The following HAUS6 variants were observed in gnomAD, a reference collection of about 807,000 sequenced individuals.
HAUS6 encodes the protein HAUS augmin like complex subunit 6.
HAUS6 carries 80 observed loss-of-function variants against 106.8 expected under a neutral mutation model. That is an observed-to-expected ratio of 0.75 (90% CI 0.63 to 0.90). The LOEUF is 0.90. Ranked by LOEUF, HAUS6 falls within the 40% of genes least tolerant of loss-of-function variation. The probability of loss-of-function intolerance (pLI) is 0.00; values close to 1 mark genes in which losing one functional copy is unlikely to be tolerated. For missense variants in HAUS6, 1,155 were observed against 1,118.1 expected, an observed-to-expected ratio of 1.03 and a Z score of -0.47; for synonymous variants, 356 against 379.1, an observed-to-expected ratio of 0.94 and a Z score of 0.71.
At chr9:19,086,679 C>T in intron 7 of HAUS6, 55 bp downstream of exon 7, 1 of 762,610 alleles carries the variant, frequency 1.3e-6, no homozygotes, top group Non-Finnish European at 2.3e-6. Context: ...TAAGCAAACA[C>T]TGCGTATCAC....
chr9:19,075,497 A>G (rs1836977256), intron 11 of HAUS6, among the ~76,000 whole-genome samples: 1 of 152,250 alleles, frequency 6.6e-6, no homozygotes, highest in Non-Finnish European at 1.5e-5. Flanking sequence ...TAATCCCAGC[A>G]CTTTGGGAGG....
intron 5 of HAUS6, among the ~76,000 whole-genome samples, 185 bp downstream of exon 5, chr9:19,089,227 G>A (rs948534221): frequency 2.6e-5 from 4 of 151,858 alleles, no homozygotes; most frequent in Non-Finnish European, 5.9e-5. Flanking sequence ...TAGGAGCCTG[G>A]GTGACAGAAC....
chr9:19,068,507 T>C (rs150533724), intron 12 of HAUS6, among the ~76,000 whole-genome samples: 89 of 152,330 alleles, frequency 5.8e-4, no homozygotes, highest in African/African-American at 2.1e-3. Context: ...GCAGAACCAA[T>C]TACCAATAAC....
intron 7 of HAUS6, among the ~76,000 whole-genome samples, chr9:19,083,630 G>A (rs1468268074): frequency 1.3e-5 from 2 of 151,638 alleles, no homozygotes; most frequent in African/African-American, 4.8e-5. Context: ...GTGAAACCCC[G>A]TCTCTAATAA....
intron 11 of HAUS6, among the ~76,000 whole-genome samples, chr9:19,075,795 A>C (rs1212675491): frequency 6.7e-6 from 1 of 150,258 alleles, no homozygotes; most frequent in Non-Finnish European, 1.5e-5. Context: ...CTCTACTAAA[A>C]ATACAAAAAA....
intron 15 of HAUS6, 23 bp from the exon 16 acceptor site, chr9:19,059,024 C>T: frequency 7.7e-7 from 1 of 1,306,618 alleles, no homozygotes. Flanking sequence ...GAGAAAAACA[C>T]AGTTTACTAA....
At chr9:19,083,749 C>G (rs1837217658) in intron 7 of HAUS6, among the ~76,000 whole-genome samples, 1 of 150,424 alleles carries the variant, frequency 6.6e-6, no homozygotes, top group African/African-American at 2.5e-5. Flanking sequence ...TTGCAGTAAG[C>G]CAAGATCGCG....
intron 5 of HAUS6, among the ~76,000 whole-genome samples, chr9:19,088,277 A>T (rs961949259): frequency 1.3e-5 from 2 of 151,946 alleles, no homozygotes; most frequent in African/African-American, 4.8e-5. Flanking sequence ...TTAGCTAGGC[A>T]TGGTAGCATG....
Position 19,080,711 on chromosome 9 carries a change from G to C in HAUS6, c.871-39C>G, listed in dbSNP as rs751138647. 1.9e-5 allele frequency: 22 copies of C among 1,150,510 alleles called. No individual in the cohort carries two copies. In the South Asian group the frequency reaches 2.8e-4, roughly 15 times the overall value. 71.3% of individuals were successfully genotyped at this position (1,150,510 alleles called of 1,614,324 possible). Reference sequence around the variant, plus strand: ...AGGAGAAAAAAATTGGTGAACTATAGGTTGTTACAACAAACTATTACATAA... The same window carrying C: ...AGGAGAAAAAAATTGGTGAACTATACGTTGTTACAACAAACTATTACATAA... On this transcript the variant is annotated intron_variant, in intron 8 of 16. Transcript: ENST00000380502.
At chr9:19,096,564 C>CAAAAA (rs370743421) in intron 2 of HAUS6, 110 bp downstream of exon 2, 4,759 of 268,732 alleles carry the variant, frequency 0.018, 352 homozygotes, top group African/African-American at 0.11. Context: ...GACTCCGTCT[C>CAAAAA]AAAAAAAAAA....
chr9:19,093,388 G>T (rs562860463), intron 3 of HAUS6, 85 bp from the exon 4 acceptor site: 2 of 1,228,010 alleles, frequency 1.6e-6, no homozygotes, highest in African/African-American at 1.5e-5. Context: ...GTTAAAGGGT[G>T]TGACAGTCTT....
Position 19,054,478 on chromosome 9 carries a change from G to A in HAUS6, c.*1865C>T, listed in dbSNP as rs1836428471. On this transcript the variant is annotated 3_prime_UTR_variant, in exon 17 of 17. Transcript: ENST00000380502. ...AGATCTGAGATACTTTTTGTTTATG[G>A]TACTGGCATATGAAGAACAGGAAAG... The A allele has an allele frequency of 6.6e-6, 1 of 152,182 alleles. No homozygotes were observed. Among genetic ancestry groups the A allele is most frequent in the African/African-American group, 2.4e-5 (1 of 41,432 alleles). 9.4% of individuals were successfully genotyped at this position (152,182 alleles called of 1,614,324 possible). A position where few individuals can be genotyped will look rare whatever the true frequency, so the allele number is the denominator to read the frequency against.
chr9:19,060,488 T>C (rs1462212624), intron 14 of HAUS6, among the ~76,000 whole-genome samples: 1 of 152,238 alleles, frequency 6.6e-6, no homozygotes, highest in Admixed American at 6.5e-5. Context: ...AGAATCTTTA[T>C]GCTGGGAAGA....
At position 19,085,294 on chromosome 9, in the gene HAUS6, C is replaced by A. The variant is rs1789034866; in HGVS notation, c.699+1440G>T. ...AGGGAAAACAAATATGAACCAAACT[C>A]AGAAGAGACTGATGTGAAAACTTTA... On this transcript the variant is annotated intron_variant, in intron 7 of 16. Coordinates refer to ENST00000380502, the MANE Select transcript of HAUS6 (RefSeq NM_017645.5). Among the ~76,000 whole-genome samples, 6 of 152,216 alleles carry A rather than the reference C, an allele frequency of 3.9e-5. 1 individual carries two copies. The South Asian group carries it at 1.2e-3, about 32-fold the overall frequency.
Position 19,063,189 on chromosome 9 carries a change from G to C in HAUS6, c.1448C>G (p.Thr483Arg), listed in dbSNP as rs1836668909. The C allele has an allele frequency of 2.5e-6, 4 of 1,592,186 alleles. No individual in the cohort carries two copies. The East Asian group carries it at 8.9e-5, about 36-fold the overall frequency. The change falls in exon 14 of 17, where the codon ACA becomes AGA. Residue 483 changes from threonine to arginine, a missense_variant. Coordinates refer to ENST00000380502, the MANE Select transcript of HAUS6 (RefSeq NM_017645.5). ...TTTTTCTTTGGGAGTTCCCATCTTT[G>C]TGTCCTGAAGAAGACAGATATGTAA... is the stretch of plus-strand genomic sequence containing the variant. ...RNSVTVLEKDTKMGTPKEKNE... is the reference protein window; with the variant it reads ...RNSVTVLEKDRKMGTPKEKNE...
intron 2 of HAUS6, among the ~76,000 whole-genome samples, chr9:19,096,472 G>A (rs772136307): frequency 1.4e-5 from 2 of 147,536 alleles, no homozygotes; most frequent in Non-Finnish European, 3.0e-5. Context: ...TGCTGAGACA[G>A]GAGAATTTCT....
chr9:19,102,400 T>C, intron 1 of HAUS6, 124 bp downstream of exon 1: 1 of 1,068,892 alleles, frequency 9.4e-7, no homozygotes, highest in Non-Finnish European at 1.4e-6. Context: ...TTGGAGCCAA[T>C]GCCTGGCACA....
chr9:19,080,841 TG>T (rs1837128659), intron 8 of HAUS6, among the ~76,000 whole-genome samples, 169 bp from the exon 9 acceptor site: 2 of 151,848 alleles, frequency 1.3e-5, no homozygotes. Context: ...TTGGGGGTGG[TG>T]GGGGCGGATC....
rs765941688 is a variant in HAUS6 at position 19,059,021 on chromosome 9, A to G, written c.1766-20T>C. 8.2e-5 allele frequency: 109 copies of G among 1,327,236 alleles called. No individual in the cohort carries two copies. The highest frequency in any genetic ancestry group is 1.1e-4 in the Non-Finnish European group (105 of 933,280). The allele number at this position is 1,327,236 out of a possible 1,614,324, so 82.2% of individuals were successfully genotyped here. A position where few individuals can be genotyped will look rare whatever the true frequency, so the allele number is the denominator to read the frequency against. On this transcript the variant is annotated intron_variant, in intron 15 of 16. Coordinates refer to ENST00000380502, the MANE Select transcript of HAUS6 (RefSeq NM_017645.5). ...CAGTTACTAATTAAAGGGGAGAAAAACACAGTTTACTAACATTCCCAAACA... is the reference window on the plus strand; with the variant it reads ...CAGTTACTAATTAAAGGGGAGAAAAGCACAGTTTACTAACATTCCCAAACA...
Sources: allele counts gnomAD v4.1 joint callset (sites outside exome capture counted in the v4.1 genomes callset), GRCh38; gene constraint gnomAD v4.1.1; transcripts MANE v1.5; gene names NCBI Gene and HGNC (gene_info 2026-07-23, HGNC 2026-07-21).